CALN1: variants seen among roughly 807,000 people sequenced by gnomAD.
CALN1 encodes calcium-binding protein 8.
A neutral mutation model predicts 30.6 loss-of-function variants in CALN1; 17 were observed. The ratio of observed to expected loss-of-function variants is 0.56; its 90% CI spans 0.38 to 0.83. The LOEUF is 0.83. Ranked by LOEUF, CALN1 falls within the 40% of genes least tolerant of loss-of-function variation. The pLI is 0.00. For synonymous variants in CALN1, 156 were observed against 131.4 expected (o/e 1.19, Z -1.28); for missense variants, 291 against 354.9 (o/e 0.82, Z 1.45).
chr7:72,018,245 G>GCGTAAATAAA (rs1371592011), intron 5 of CALN1, among the ~76,000 whole-genome samples: 1 of 152,028 alleles, frequency 6.6e-6, no homozygotes, highest in African/African-American at 2.4e-5. Flanking sequence ...TAAATAAATG[G>GCGTAAATAAA]TGGAAAAGCA....
intron 3 of CALN1, among the ~76,000 whole-genome samples, chr7:72,273,497 G>A (rs183082456): frequency 2.0e-4 from 24 of 122,392 alleles, no homozygotes; most frequent in African/African-American, 7.2e-4. Context: ...AAGAAGGCAA[G>A]ATTCTTTTTT....
chr7:72,057,492 C>T (rs937734631), intron 4 of CALN1, among the ~76,000 whole-genome samples: 1 of 140,792 alleles, frequency 7.1e-6, no homozygotes, highest in Admixed American at 7.7e-5. Context: ...TTTATCATAA[C>T]ATTATTTGTA....
chr7:72,180,613 T>C (rs1789706749), intron 3 of CALN1, among the ~76,000 whole-genome samples: 2 of 148,606 alleles, frequency 1.3e-5, no homozygotes, highest in Admixed American at 6.7e-5. Context: ...TTTTCTTTTT[T>C]TTTTTTTTTT....
At chr7:72,104,605 T>C (rs1446760894) in intron 4 of CALN1, among the ~76,000 whole-genome samples, 2 of 152,086 alleles carry the variant, frequency 1.3e-5, no homozygotes, top group African/African-American at 4.8e-5. Flanking sequence ...TTATGTGTTC[T>C]CATCATTTAA....
At chr7:71,914,299 G>A (rs939880662) in intron 5 of CALN1, among the ~76,000 whole-genome samples, 2 of 152,258 alleles carry the variant, frequency 1.3e-5, no homozygotes, top group South Asian at 2.1e-4. Flanking sequence ...GTAAGAACAT[G>A]CAGTATTTGG....
At chr7:72,245,464 G>A (rs6953518) in intron 3 of CALN1, among the ~76,000 whole-genome samples, 82,721 of 151,270 alleles carry the variant, frequency 0.55, 22,820 homozygotes, top group South Asian at 0.65. Flanking sequence ...TACTAAAAAT[G>A]CAAAATTAGC....
At chr7:71,837,647 G>A (rs1584337195) in intron 5 of CALN1, among the ~76,000 whole-genome samples, 1 of 152,130 alleles carries the variant, frequency 6.6e-6, no homozygotes, top group African/African-American at 2.4e-5. Flanking sequence ...AATACTGAAA[G>A]TGCACATAGG....
intron 2 of CALN1, among the ~76,000 whole-genome samples, chr7:72,325,436 A>G (rs1801202210): frequency 6.6e-6 from 1 of 152,122 alleles, no homozygotes; most frequent in African/African-American, 2.4e-5. Flanking sequence ...CCCTGTCTCT[A>G]CTAAAAATGC....
chr7:72,375,451 G>A (rs181782269), intron 2 of CALN1, among the ~76,000 whole-genome samples: 4 of 151,776 alleles, frequency 2.6e-5, no homozygotes, highest in Admixed American at 2.6e-4. Context: ...TGTAGTTCCA[G>A]CTACTCATGA....
intron 5 of CALN1, among the ~76,000 whole-genome samples, chr7:71,889,237 C>A (rs1793096058): frequency 6.6e-6 from 1 of 152,216 alleles, no homozygotes; most frequent in Non-Finnish European, 1.5e-5. Context: ...GATTTGGTGT[C>A]TGATGACCTG....
chr7:72,004,297 CAACA>C (rs1378516829), intron 5 of CALN1, among the ~76,000 whole-genome samples: 3 of 152,122 alleles, frequency 2.0e-5, no homozygotes, highest in Non-Finnish European at 2.9e-5. Flanking sequence ...ACAGCCCTTT[CAACA>C]AATGATGCTG....
rs111497562 is a variant in CALN1, at chr7:71,787,736, C to T, written c.*39G>A. 2,386 of 1,609,570 alleles carry T rather than the reference C, an allele frequency of 1.5e-3. 30 individuals are homozygous for T. In the African/African-American group the frequency reaches 0.025, roughly 17 times the overall value. ...AGTCTGCCCGCACGGCATGCACATG[C>T]GCGGTGAGCTGCAACACAGTGTGGC... On this transcript the variant is annotated 3_prime_UTR_variant, in exon 7 of 7. Coordinates refer to ENST00000395275, the MANE Select transcript of CALN1 (RefSeq NM_031468.4).
intron 1 of CALN1, among the ~76,000 whole-genome samples, chr7:72,444,358 T>C (rs763770423): frequency 1.3e-5 from 2 of 152,112 alleles, no homozygotes; most frequent in African/African-American, 2.4e-5. Flanking sequence ...CACAAATGGA[T>C]CTATCTTAAT....
At chr7:72,060,994 A>T (rs1180532265) in intron 4 of CALN1, among the ~76,000 whole-genome samples, 1 of 152,202 alleles carries the variant, frequency 6.6e-6, no homozygotes, top group Non-Finnish European at 1.5e-5. Context: ...AATGGGACAA[A>T]ATACTACACA....
At chr7:72,040,128 A>G (rs1008633790) in intron 4 of CALN1, among the ~76,000 whole-genome samples, 4 of 152,176 alleles carry the variant, frequency 2.6e-5, no homozygotes, top group African/African-American at 7.2e-5. Flanking sequence ...AAAAAATTCA[A>G]CTATTTCCCA....
At chr7:72,291,852 T>C (rs1478405457) in intron 2 of CALN1, among the ~76,000 whole-genome samples, 1 of 152,186 alleles carries the variant, frequency 6.6e-6, no homozygotes, top group East Asian at 1.9e-4. Flanking sequence ...CCTCAAGTGA[T>C]GCACCTGCCT....
intron 3 of CALN1, among the ~76,000 whole-genome samples, chr7:72,220,362 G>T (rs1204770211): frequency 6.6e-6 from 1 of 151,866 alleles, no homozygotes; most frequent in Non-Finnish European, 1.5e-5. Flanking sequence ...CCCTACAAAG[G>T]ACACGAACTC....
At chr7:72,462,075 G>GT in the CALN1 span, among the ~76,000 whole-genome samples, 1 of 151,966 alleles carries the variant, frequency 6.6e-6, no homozygotes, top group African/African-American at 2.4e-5. Flanking sequence ...GACTTTAGGA[G>GT]TTGTATGCCA....
intron 5 of CALN1, among the ~76,000 whole-genome samples, chr7:71,879,304 GCTA>G (rs1012753437): frequency 2.0e-5 from 3 of 152,138 alleles, no homozygotes; most frequent in Non-Finnish European, 4.4e-5. Context: ...GATTTTGGGG[GCTA>G]CTAACAGCTG....
Sources: gnomAD v4.1 joint callset for allele counts (sites outside exome capture counted in the v4.1 genomes callset) on GRCh38, gnomAD v4.1.1 for gene constraint, MANE v1.5 for transcripts, NCBI Gene and HGNC (gene_info 2026-07-23, HGNC 2026-07-21) for gene names.